Variants in SLC44A5 observed in about 807,000 individuals in gnomAD.
SLC44A5 encodes the protein solute carrier family 44 member 5.
A neutral mutation model predicts 101.8 loss-of-function variants in SLC44A5; 57 were observed. That is an observed-to-expected ratio of 0.56 (90% CI 0.45 to 0.70). SLC44A5 has a LOEUF of 0.70. Ranked by LOEUF, SLC44A5 falls within the 30% of genes least tolerant of loss-of-function variation. SLC44A5 has a pLI of 0.00. For synonymous variants in SLC44A5, 281 were observed against 290.9 expected (o/e 0.97, Z 0.35); for missense variants, 737 against 853.1 (o/e 0.86, Z 1.70).
intron 2 of SLC44A5, among the ~76,000 whole-genome samples, chr1:75,435,838 C>T (rs376819697): frequency 1.1e-4 from 16 of 151,954 alleles, no homozygotes; most frequent in Non-Finnish European, 1.5e-4. Flanking sequence ...TTGCTCTCCA[C>T]CTTTTGCACC....
At chr1:75,284,156 C>T (rs1004623240) in intron 5 of SLC44A5, among the ~76,000 whole-genome samples, 1 of 151,936 alleles carries the variant, frequency 6.6e-6, no homozygotes, top group Admixed American at 6.6e-5. Flanking sequence ...CCATTTGTTT[C>T]TGTCATCTAT....
the SLC44A5 span, among the ~76,000 whole-genome samples, chr1:75,662,506 G>A: frequency 6.6e-6 from 1 of 152,002 alleles, no homozygotes; most frequent in South Asian, 2.1e-4. Flanking sequence ...TAGAAGAGAA[G>A]ATATGGAATG....
At chr1:75,657,410 A>G in the SLC44A5 span, among the ~76,000 whole-genome samples, 1 of 151,910 alleles carries the variant, frequency 6.6e-6, no homozygotes, top group Non-Finnish European at 1.5e-5. Context: ...TTAGCCAGGT[A>G]TAGTGGCACA....
At chr1:75,310,378 C>T (rs1402851544) in intron 4 of SLC44A5, among the ~76,000 whole-genome samples, 2 of 152,174 alleles carry the variant, frequency 1.3e-5, no homozygotes, top group Non-Finnish European at 1.5e-5. Context: ...CTGCTGCACT[C>T]AAGACACCTG....
At chr1:75,541,286 C>G (rs1671343091) in intron 2 of SLC44A5, 149 bp downstream of exon 2, 1 of 628,370 alleles carries the variant, frequency 1.6e-6, no homozygotes, top group East Asian at 2.8e-5. Flanking sequence ...ACCACAAGGT[C>G]TAACATGCTG....
chr1:75,368,408 C>A (rs1441703621), intron 3 of SLC44A5, among the ~76,000 whole-genome samples: 1 of 152,180 alleles, frequency 6.6e-6, no homozygotes. Context: ...CTGCATCCCA[C>A]AAATACTGTA....
At chr1:75,602,880 C>T (rs1254914810) in intron 1 of SLC44A5, among the ~76,000 whole-genome samples, 1 of 151,988 alleles carries the variant, frequency 6.6e-6, no homozygotes, top group Admixed American at 6.6e-5. Context: ...ATAGGCTAAG[C>T]TTAAAATAAG....
chr1:75,346,982 G>A (rs1658299030), intron 3 of SLC44A5, among the ~76,000 whole-genome samples: 3 of 152,048 alleles, frequency 2.0e-5, no homozygotes, highest in Admixed American at 6.6e-5. Flanking sequence ...TTCTGAGTGC[G>A]GAGTTCAGGC....
At chr1:75,240,291 C>A (rs1420110422) in intron 9 of SLC44A5, among the ~76,000 whole-genome samples, 2 of 152,038 alleles carry the variant, frequency 1.3e-5, no homozygotes, top group Non-Finnish European at 2.9e-5. Flanking sequence ...CTTTTATGAG[C>A]TCTTTAATGA....
At chr1:75,472,255 G>T (rs1667154440) in intron 2 of SLC44A5, among the ~76,000 whole-genome samples, 1 of 152,146 alleles carries the variant, frequency 6.6e-6, no homozygotes, top group Non-Finnish European at 1.5e-5. Context: ...CCGAGCACCT[G>T]TCAGTAGTAC....
At chr1:75,330,169 G>GTATATATGCATATATATACGTA (rs1553162296) in intron 4 of SLC44A5, among the ~76,000 whole-genome samples, 5 of 117,460 alleles carry the variant, frequency 4.3e-5, no homozygotes, top group East Asian at 4.2e-4. Context: ...ATATATATAC[G>GTATATATGCATATATATACGTA]TATATATGCA....
At chr1:75,283,800 G>A (rs1017542948) in intron 5 of SLC44A5, among the ~76,000 whole-genome samples, 2 of 151,950 alleles carry the variant, frequency 1.3e-5, no homozygotes, top group African/African-American at 2.4e-5. Context: ...AAGATCAGTT[G>A]GCTGTAAGTA....
At chr1:75,514,331 G>A (rs1669714799) in intron 2 of SLC44A5, among the ~76,000 whole-genome samples, 1 of 152,058 alleles carries the variant, frequency 6.6e-6, no homozygotes, top group Non-Finnish European at 1.5e-5. Context: ...GCCAACATTT[G>A]TCTGTCACAC....
chr1:75,273,750 C>G (rs1017521745), intron 6 of SLC44A5, among the ~76,000 whole-genome samples: 2 of 151,986 alleles, frequency 1.3e-5, no homozygotes, highest in Admixed American at 6.6e-5. Flanking sequence ...ATGTATTATC[C>G]TATTGATGTC....
intron 2 of SLC44A5, among the ~76,000 whole-genome samples, chr1:75,517,904 C>G (rs529481446): frequency 6.6e-6 from 1 of 152,146 alleles, no homozygotes; most frequent in Non-Finnish European, 1.5e-5. Context: ...CCCCTCAGAG[C>G]TCTTTTTGGC....
At chr1:75,224,477 C>T (rs527781669) in intron 13 of SLC44A5, among the ~76,000 whole-genome samples, 89 of 152,272 alleles carry the variant, frequency 5.8e-4, no homozygotes, top group African/African-American at 2.1e-3. Flanking sequence ...TTTTTATTGT[C>T]CCTGAAGACC....
chr1:75,297,103 C>T (rs529281415), intron 5 of SLC44A5, among the ~76,000 whole-genome samples: 221 of 152,206 alleles, frequency 1.5e-3, no homozygotes, highest in African/African-American at 5.1e-3. Context: ...TTTGCATTAA[C>T]TTTCTTGTTA....
chr1:75,404,200 T>C lies in SLC44A5; in HGVS notation c.14-7579A>G, dbSNP rs2101460167. 2.0e-5 allele frequency among the ~76,000 whole-genome samples: 3 copies of C among 152,138 alleles called. No homozygotes were observed. In the South Asian group the frequency reaches 6.2e-4, roughly 32 times the overall value. On this transcript the variant is annotated intron_variant, in intron 2 of 23. Transcript: ENST00000370859. The stretch of plus-strand genomic sequence containing the variant: ...AGCCTCCAAGAAATATGGGACTATG[T>C]GAAAAGACCAACCTACGTTTGATTG...
intron 6 of SLC44A5, among the ~76,000 whole-genome samples, chr1:75,270,098 A>C (rs1013234510): frequency 6.6e-6 from 1 of 152,168 alleles, no homozygotes; most frequent in African/African-American, 2.4e-5. Flanking sequence ...CTGTGAGTCC[A>C]TTAAGCCCCT....
Sources: gnomAD v4.1 joint callset for allele counts (sites outside exome capture counted in the v4.1 genomes callset) on GRCh38, gnomAD v4.1.1 for gene constraint, MANE v1.5 for transcripts, NCBI Gene and HGNC (gene_info 2026-07-23, HGNC 2026-07-21) for gene names.